The following CEP350 variants were observed in gnomAD, a reference collection of about 807,000 sequenced individuals.
The protein encoded by CEP350 is centrosomal protein 350, also known as centrosome-associated protein 350.
Under a neutral mutation model 331.8 loss-of-function variants are expected in CEP350, and 126 were observed. The observed-to-expected ratio is 0.38, with a 90% CI of 0.33 to 0.44. The LOEUF is 0.44. Ranked by LOEUF, CEP350 falls within the 20% of genes least tolerant of loss-of-function variation. CEP350 has a pLI of 1.00. For missense variants in CEP350, 3,406 were observed against 3,634.6 expected (o/e 0.94, Z 1.62); for synonymous variants, 1,200 against 1,259.5 (o/e 0.95, Z 1.00).
At position 180,028,044 on chromosome 1, in the gene CEP350, C is replaced by G. The variant is rs527939390; in HGVS notation, c.3551-3276C>G. Among the ~76,000 whole-genome samples, 30 of 152,190 alleles carry G rather than the reference C, an allele frequency of 2.0e-4. No individual in the cohort carries two copies. The South Asian group carries it at 2.1e-3, about 11-fold the overall frequency. On this transcript the variant is annotated intron_variant, in intron 14 of 37. Coordinates refer to ENST00000367607, the MANE Select transcript of CEP350 (RefSeq NM_014810.5). ...GTAGGACATTTAGACATCATTTTAC[C>G]AGCACTTCCGAAACTGTATTTTCTT...
chr1:179,972,536 G>A (rs1286866477), intron 1 of CEP350, among the ~76,000 whole-genome samples: 2 of 152,076 alleles, frequency 1.3e-5, no homozygotes, highest in African/African-American at 2.4e-5. Context: ...AGGGAGTCTT[G>A]CTCTGTCACC....
chr1:180,057,359 C>G (rs1657920612), intron 25 of CEP350, among the ~76,000 whole-genome samples: 1 of 152,048 alleles, frequency 6.6e-6, no homozygotes, highest in Admixed American at 6.5e-5. Flanking sequence ...CCTTGGCTTC[C>G]CAAAGTGCTG....
chr1:180,038,737 T>C (rs1656541786), intron 17 of CEP350, among the ~76,000 whole-genome samples: 1 of 152,206 alleles, frequency 6.6e-6, no homozygotes, highest in Admixed American at 6.5e-5. Flanking sequence ...AATTATTGAT[T>C]TTATAGGAGT....
chr1:180,108,105 G>A (rs1661245957), intron 37 of CEP350, among the ~76,000 whole-genome samples: 1 of 152,030 alleles, frequency 6.6e-6, no homozygotes, highest in South Asian at 2.1e-4. Context: ...AAATGGAAAA[G>A]TTCATGTTCT....
Position 180,004,878 on chromosome 1 carries a change from GCTT to G in CEP350, c.1133-1575_1133-1573del, listed in dbSNP as rs1558092859. Among the ~76,000 whole-genome samples the G allele has an allele frequency of 4.6e-3, 428 of 93,726 alleles. 4 individuals carry two copies. Among genetic ancestry groups the G allele is most frequent in the African/African-American group, 6.9e-3 (176 of 25,328 alleles). 61.5% of individuals were successfully genotyped at this position (93,726 alleles called of 152,430 possible). On this transcript the variant is annotated intron_variant, in intron 7 of 37. Coordinates refer to ENST00000367607, the MANE Select transcript of CEP350 (RefSeq NM_014810.5). ...CTTGGGCAGGCAGGCTGGCTGGCTTGCTTGCTTGCTTGCTTGCTTGCTTGCTTG... is the reference window on the plus strand; with the variant it reads ...CTTGGGCAGGCAGGCTGGCTGGCTTGGCTTGCTTGCTTGCTTGCTTGCTTG...
In CEP350 at chr1:180,098,916, C is replaced by T; in HGVS notation, c.9120C>T (p.Asn3040=). The change falls in exon 37 of 38, where the codon AAC becomes AAT. Residue 3040 remains asparagine (N), a synonymous_variant. Transcript: ENST00000367607. ...TGTTCAGTCTTAAAAAGGAGCCAAACCACAAAACAGATTGGCAGAAAATGA... is the reference window on the plus strand; with the variant it reads ...TGTTCAGTCTTAAAAAGGAGCCAAATCACAAAACAGATTGGCAGAAAATGA... ...LKLFSLKKEP[N]HKTDWQKMMK... is the part of the protein sequence containing the mutation. 2 of 1,613,444 alleles carry T rather than the reference C, an allele frequency of 1.2e-6. No homozygotes were observed. Among genetic ancestry groups the T allele is most frequent in the Non-Finnish European group, 8.5e-7 (1 of 1,179,634 alleles).
At chr1:180,019,316 C>G (rs1262857584) in intron 11 of CEP350, among the ~76,000 whole-genome samples, 4 of 151,970 alleles carry the variant, frequency 2.6e-5, no homozygotes, top group Non-Finnish European at 5.9e-5. Context: ...GATACCCTAC[C>G]CTGTATATTT....
chr1:179,996,975 T>C lies in CEP350; in HGVS notation c.818T>C (p.Leu273Pro). 6.2e-7 allele frequency: 1 copy of C among 1,614,026 alleles called. No homozygotes were observed. Among genetic ancestry groups the C allele is most frequent in the Non-Finnish European group, 8.5e-7 (1 of 1,179,878 alleles). Residue 273 changes from leucine (L) to proline (P), a missense_variant, in exon 6 of 38, where the codon CTA becomes CCA. Physicochemically the swap from Leu to Pro is moderately conservative, Grantham distance 98. Transcript: ENST00000367607. ...TCTAATTCCCAAAGATTAGATATTC[T>C]AAAGCGGCGACAACATGATGTCAAA... ...STSNSQRLDILKRRQHDVKLE... is the reference protein window; with the variant it reads ...STSNSQRLDIPKRRQHDVKLE...
intron 37 of CEP350, among the ~76,000 whole-genome samples, chr1:180,105,504 T>G (rs1175556391): frequency 6.6e-6 from 1 of 152,178 alleles, no homozygotes; most frequent in East Asian, 1.9e-4. Context: ...CAAAACAACT[T>G]CTGAGAATTA....
intron 5 of CEP350, among the ~76,000 whole-genome samples, chr1:179,993,694 C>T (rs541787695): frequency 3.9e-5 from 6 of 151,944 alleles, no homozygotes; most frequent in South Asian, 4.1e-4. Flanking sequence ...CTGTCTGCCT[C>T]GGCCTCCCAA....
rs567860737 is a variant in CEP350, at chr1:179,983,299, A to G, written c.-13-2870A>G. ...GCTCAGGCTGGAGTGCAGTGGTGCG[A>G]TCTTGGCTCACTGTAACCTCTGCCT... is the stretch of plus-strand genomic sequence containing the variant. On this transcript the variant is annotated intron_variant, in intron 1 of 37. Coordinates refer to ENST00000367607, the MANE Select transcript of CEP350 (RefSeq NM_014810.5). 2.6e-5 allele frequency among the ~76,000 whole-genome samples: 4 copies of G among 152,024 alleles called. No homozygotes were observed. The South Asian group carries it at 8.3e-4, about 32-fold the overall frequency.
intron 19 of CEP350, 23 bp downstream of exon 19, chr1:180,041,825 C>T: frequency 6.3e-7 from 1 of 1,597,644 alleles, no homozygotes. Flanking sequence ...GAGAACACTT[C>T]TCTTTTTACT....
intron 3 of CEP350, among the ~76,000 whole-genome samples, chr1:179,988,274 G>A (rs1022103284): frequency 6.6e-6 from 1 of 150,762 alleles, no homozygotes; most frequent in Admixed American, 6.6e-5. Flanking sequence ...TCTAGCCTGG[G>A]CGACAGAGTG....
chr1:179,965,615 C>CTTTTTTTTTTTTTTTTTTT (rs747027286), intron 1 of CEP350, among the ~76,000 whole-genome samples: 149 of 84,326 alleles, frequency 1.8e-3, no homozygotes, highest in Non-Finnish European at 2.2e-3. Context: ...TTTTTCTTTT[C>CTTTTTTTTTTTTTTTTTTT]TTTTTTTTTT....
At chr1:180,025,643 CAG>C (rs1655620903) in intron 14 of CEP350, among the ~76,000 whole-genome samples, 1 of 152,258 alleles carries the variant, frequency 6.6e-6, no homozygotes, top group Non-Finnish European at 1.5e-5. Flanking sequence ...CAGACTAACA[CAG>C]GAACAGAAAA....
rs761178594 is a variant in CEP350 at position 179,997,041 on chromosome 1, A to C, written c.884A>C (p.His295Pro). ...GAACGGATTAGAAAACAGTGGGAAC[A>C]CTCAGAAGAAACAAATGGCCGGGGC... ...LKERIRKQWE[H>P]SEETNGRGQK... Residue 295 changes from histidine to proline, a missense_variant, in exon 6 of 38, where the codon CAC becomes CCC. Around this residue, in one of 5 missense-constraint regions of CEP350, gnomAD observed 1,857 missense variants for 1,909.2 expected, o/e 0.97. Coordinates refer to ENST00000367607, the MANE Select transcript of CEP350 (RefSeq NM_014810.5). 1.2e-6 allele frequency: 2 copies of C among 1,613,910 alleles called. No homozygotes were observed. Among genetic ancestry groups the C allele is most frequent in the African/African-American group, 2.7e-5 (2 of 74,936 alleles).
At chr1:180,069,167 A>G (rs1658732848) in intron 27 of CEP350, among the ~76,000 whole-genome samples, 1 of 152,332 alleles carries the variant, frequency 6.6e-6, no homozygotes, top group Admixed American at 6.5e-5. Flanking sequence ...GCATAGAAAG[A>G]TGAAGCCTTT....
rs1372540560 is a variant in CEP350 at position 180,022,863 on chromosome 1, C to T, written c.3386+15C>T. 1 of 1,563,804 alleles carries T rather than the reference C, an allele frequency of 6.4e-7. No homozygotes were observed. On this transcript the variant is annotated intron_variant, in intron 13 of 37. Coordinates refer to ENST00000367607, the MANE Select transcript of CEP350 (RefSeq NM_014810.5). Reference sequence around the variant, plus strand: ...CTTGAACCTCAGTAAGATATATTGGCAATATGGAATAAACTCTGAAGAGTG... The same window carrying T: ...CTTGAACCTCAGTAAGATATATTGGTAATATGGAATAAACTCTGAAGAGTG...
Position 180,024,455 on chromosome 1 carries a change from A to G in CEP350, c.3423A>G (p.Arg1141=), listed in dbSNP as rs1042529006. The G allele has an allele frequency of 1.1e-5, 17 of 1,612,694 alleles. No individual in the cohort carries two copies. Among genetic ancestry groups the G allele is most frequent in the African/African-American group, 2.7e-5 (2 of 74,890 alleles). The change falls in exon 14 of 38, where the codon AGA becomes AGG. Residue 1141 remains arginine (R), a synonymous_variant. Coordinates refer to ENST00000367607, the MANE Select transcript of CEP350 (RefSeq NM_014810.5). The part of the protein sequence containing the change: ...TLSPQEDHSN[R]KSAYDPSSVD... The stretch of plus-strand genomic sequence containing the variant: ...GCCCTCAGGAGGACCATTCTAACAG[A>G]AAGTCTGCCTATGATCCTTCCTCTG...
Sources: gnomAD v4.1 joint callset for allele counts (sites outside exome capture counted in the v4.1 genomes callset) on GRCh38, gnomAD v4.1.1 for gene constraint, gnomAD v4.1.1 regional missense constraint, MANE v1.5 for transcripts, NCBI Gene and HGNC (gene_info 2026-07-23, HGNC 2026-07-21) for gene names.